Variants in GLYATL2 observed in about 807,000 individuals in gnomAD.
GLYATL2 encodes the protein glycine N-acyltransferase-like protein 2.
In GLYATL2, 25 loss-of-function variants were observed where a neutral mutation model predicts 21.4. The ratio of observed to expected loss-of-function variants is 1.17; its 90% CI spans 0.85 to 1.63. The LOEUF (loss-of-function observed/expected upper bound fraction) is 1.63. Among genes scored for constraint, GLYATL2 ranks in the 40% most tolerant of loss-of-function variants. GLYATL2 has a pLI of 0.00. For missense variants in GLYATL2, 361 were observed against 343.3 expected, an observed-to-expected ratio of 1.05 and a Z score of -0.41; for synonymous variants, 114 against 118.2, an observed-to-expected ratio of 0.96 and a Z score of 0.23.
chr11:58,838,867 C>A (rs1853491969), intron 2 of GLYATL2, among the ~76,000 whole-genome samples: 1 of 152,028 alleles, frequency 6.6e-6, no homozygotes, highest in Non-Finnish European at 1.5e-5. Context: ...AAAGCACTAC[C>A]TGTCTAGGAA....
At chr11:58,842,380 A>G (rs1302346228) in intron 1 of GLYATL2, among the ~76,000 whole-genome samples, 1 of 152,006 alleles carries the variant, frequency 6.6e-6, no homozygotes, top group Non-Finnish European at 1.5e-5. Context: ...AAAAACATCA[A>G]TTCCTGGCTG....
chr11:58,882,245 G>A (rs893856691), intron 1 of GLYATL2, among the ~76,000 whole-genome samples: 1 of 152,152 alleles, frequency 6.6e-6, no homozygotes, highest in Admixed American at 6.6e-5. Context: ...AGCACCTGTT[G>A]TTTCCTGACT....
chr11:58,874,132 T>G (rs1565101011), intron 1 of GLYATL2, among the ~76,000 whole-genome samples: 1 of 152,106 alleles, frequency 6.6e-6, no homozygotes. Flanking sequence ...GGTGGTGATA[T>G]CTATCCCCTT....
intron 1 of GLYATL2, among the ~76,000 whole-genome samples, chr11:58,850,609 A>G (rs538781120): frequency 6.6e-6 from 1 of 152,234 alleles, no homozygotes; most frequent in Non-Finnish European, 1.5e-5. Context: ...TCATGCCCAG[A>G]CAGGGCCACT....
At chr11:58,886,113 G>A (rs1238853020) in intron 1 of GLYATL2, among the ~76,000 whole-genome samples, 2 of 152,170 alleles carry the variant, frequency 1.3e-5, no homozygotes, top group Non-Finnish European at 1.5e-5. Flanking sequence ...CTACTCAGGA[G>A]GCTGAGGTGG....
At chr11:58,890,539 G>A (rs1294604223) in intron 1 of GLYATL2, among the ~76,000 whole-genome samples, 9 of 152,086 alleles carry the variant, frequency 5.9e-5, no homozygotes. Flanking sequence ...GGATGGAGCA[G>A]GAGGCCATAA....
chr11:58,839,814 G>A (rs1853512136), intron 1 of GLYATL2, among the ~76,000 whole-genome samples, 162 bp from the exon 2 acceptor site: 1 of 152,148 alleles, frequency 6.6e-6, no homozygotes, highest in South Asian at 2.1e-4. Flanking sequence ...AGAAATTAAA[G>A]CTCAGAGGTG....
chr11:58,900,845 T>C (rs986121454), intron 1 of GLYATL2, among the ~76,000 whole-genome samples: 3 of 150,936 alleles, frequency 2.0e-5, no homozygotes, highest in Admixed American at 6.6e-5. Context: ...TTGGCTTTCA[T>C]TGATGTCAAC....
At chr11:58,893,199 C>T (rs890301603) in intron 1 of GLYATL2, 1 of 331,554 alleles carries the variant, frequency 3.0e-6, no homozygotes, top group Non-Finnish European at 5.8e-6. Context: ...CACAGGGGGC[C>T]CTGGTCTCAT....
At chr11:58,885,277 C>A (rs895805039) in intron 1 of GLYATL2, among the ~76,000 whole-genome samples, 1 of 152,178 alleles carries the variant, frequency 6.6e-6, no homozygotes, top group Non-Finnish European at 1.5e-5. Flanking sequence ...GGTAACTTCA[C>A]GTCCATCAGT....
chr11:58,862,989 G>A (rs1853958468), intron 1 of GLYATL2, among the ~76,000 whole-genome samples: 1 of 152,204 alleles, frequency 6.6e-6, no homozygotes, highest in Admixed American at 6.5e-5. Flanking sequence ...ATTCTTGGTA[G>A]GGTGTCTGTT....
At chr11:58,876,960 T>C (rs972503162) in intron 1 of GLYATL2, among the ~76,000 whole-genome samples, 1 of 152,240 alleles carries the variant, frequency 6.6e-6, no homozygotes, top group African/African-American at 2.4e-5. Flanking sequence ...CCAGGCCACT[T>C]TGTTTACCTA....
chr11:58,847,989 G>A (rs1853673243), upstream of GLYATL2, among the ~76,000 whole-genome samples: 1 of 130,378 alleles, frequency 7.7e-6, no homozygotes. Flanking sequence ...TCAGAACAGA[G>A]AGAGAGGCTT....
chr11:58,873,221 T>C (rs1317755513), intron 1 of GLYATL2, among the ~76,000 whole-genome samples: 3 of 151,776 alleles, frequency 2.0e-5, no homozygotes, highest in African/African-American at 7.2e-5. Flanking sequence ...TACAATCATG[T>C]AATGTGCAAA....
At chr11:58,859,320 T>A (rs647860) in intron 1 of GLYATL2, among the ~76,000 whole-genome samples, 134,490 of 151,620 alleles carry the variant, frequency 0.89, 60,808 homozygotes, top group Non-Finnish European at 0.98. Context: ...TATTGTAGCA[T>A]TCATTCTCTC....
intron 1 of GLYATL2, among the ~76,000 whole-genome samples, chr11:58,874,630 T>A (rs1554977797): frequency 1.3e-5 from 2 of 152,244 alleles, no homozygotes; most frequent in Non-Finnish European, 2.9e-5. Context: ...GAGTTCTAGT[T>A]TGATTGCACT....
upstream of GLYATL2, among the ~76,000 whole-genome samples, chr11:58,845,426 C>T (rs1418351471): frequency 6.6e-6 from 1 of 152,084 alleles, no homozygotes; most frequent in East Asian, 1.9e-4. Flanking sequence ...CCTAATAAAA[C>T]CCCAGTCTTT....
rs955751796 is a variant in GLYATL2, at chr11:58,880,244, A to G, written n.60+23912T>C. Among the ~76,000 whole-genome samples, 6 of 152,322 alleles carry G rather than the reference A, an allele frequency of 3.9e-5. No homozygotes were observed. The East Asian group carries it at 1.2e-3, about 29-fold the overall frequency. On this transcript the variant is annotated intron_variant and non_coding_transcript_variant, in intron 1 of 4. Coordinates refer to the GLYATL2 transcript ENST00000533636. Reference sequence around the variant, plus strand: ...AAAAAGAAATGTTGATGTTAAGAATATGGGTAGAGAACACTTTTATTTGGG... The same window carrying G: ...AAAAAGAAATGTTGATGTTAAGAATGTGGGTAGAGAACACTTTTATTTGGG...
At chr11:58,869,387 G>A (rs1459489589) in intron 1 of GLYATL2, among the ~76,000 whole-genome samples, 1 of 152,208 alleles carries the variant, frequency 6.6e-6, no homozygotes, top group Admixed American at 6.5e-5. Context: ...TTTGACAACA[G>A]TGTTCTTTGG....
Sources: allele counts gnomAD v4.1 joint callset (sites outside exome capture counted in the v4.1 genomes callset), GRCh38; gene constraint gnomAD v4.1.1; transcripts MANE v1.5; gene names NCBI Gene and HGNC (gene_info 2026-07-23, HGNC 2026-07-21).